Variants in FBLN7 observed in about 807,000 individuals in gnomAD.
FBLN7 encodes fibulin 7.
In FBLN7, 31 loss-of-function variants were observed where a neutral mutation model predicts 44.0. The observed-to-expected ratio is 0.70, with a 90% confidence interval of 0.53 to 0.95. The LOEUF is 0.95. Among genes scored for constraint, FBLN7 ranks in the 40% least tolerant of loss-of-function variants. The probability of loss-of-function intolerance (pLI) is 0.00; values close to 1 mark genes in which losing one functional copy is unlikely to be tolerated. For synonymous variants in FBLN7, 262 were observed against 253.4 expected (o/e 1.03, Z -0.32); for missense variants, 573 against 618.5 (o/e 0.93, Z 0.78).
At chr2:112,147,953 G>A (rs1051586899) in intron 1 of FBLN7, among the ~76,000 whole-genome samples, 3 of 152,118 alleles carry the variant, frequency 2.0e-5, no homozygotes, top group Admixed American at 6.6e-5. Flanking sequence ...AAGGCCAGAG[G>A]AGGAAGTGAG....
chr2:112,161,665 G>T (rs779330853), intron 2 of FBLN7, among the ~76,000 whole-genome samples: 17 of 151,042 alleles, frequency 1.1e-4, no homozygotes, highest in Non-Finnish European at 2.4e-4. Context: ...CTGCCCATGT[G>T]AGAGGGCCCT....
At chr2:112,157,065 T>A (rs1309803608) in intron 1 of FBLN7, among the ~76,000 whole-genome samples, 1 of 152,018 alleles carries the variant, frequency 6.6e-6, no homozygotes, top group African/African-American at 2.4e-5. Context: ...AGAAAAAAAA[T>A]TAAGTAGAAA....
downstream of FBLN7, chr2:112,188,866 A>T (rs1683388378): frequency 6.6e-6 from 1 of 152,246 alleles, no homozygotes; most frequent in South Asian, 2.1e-4. Flanking sequence ...TAACAACAGA[A>T]AAAGGACATG....
At chr2:112,228,096 T>C in the FBLN7 span, among the ~76,000 whole-genome samples, 1 of 152,174 alleles carries the variant, frequency 6.6e-6, no homozygotes, top group African/African-American at 2.4e-5. Context: ...GACACACATA[T>C]AGAGGTCAAT....
At chr2:112,193,262 G>A in the FBLN7 span, among the ~76,000 whole-genome samples, 9 of 152,156 alleles carry the variant, frequency 5.9e-5, no homozygotes, top group Non-Finnish European at 1.0e-4. Context: ...CCAACATGGT[G>A]AAACTCCATC....
At chr2:112,212,424 G>A in the FBLN7 span, 1 of 152,244 alleles carries the variant, frequency 6.6e-6, no homozygotes, top group South Asian at 2.1e-4. Context: ...AGTTTTTGGT[G>A]AAGAGGATGG....
the FBLN7 span, among the ~76,000 whole-genome samples, chr2:112,193,462 G>T: frequency 6.6e-6 from 1 of 152,182 alleles, no homozygotes; most frequent in East Asian, 1.9e-4. Context: ...AAATGGCATA[G>T]TATATGAAGA....
chr2:112,235,769 A>C, the FBLN7 span, among the ~76,000 whole-genome samples: 1 of 152,088 alleles, frequency 6.6e-6, no homozygotes, highest in Non-Finnish European at 1.5e-5. Flanking sequence ...GGGGAGATTC[A>C]GTAAGGCCAA....
chr2:112,182,181 G>C (rs1306050036), intron 5 of FBLN7, among the ~76,000 whole-genome samples: 1 of 152,156 alleles, frequency 6.6e-6, no homozygotes, highest in Non-Finnish European at 1.5e-5. Context: ...TCACGTCTAC[G>C]GGTGGCAAGG....
At chr2:112,218,459 T>C in the FBLN7 span, among the ~76,000 whole-genome samples, 1 of 152,188 alleles carries the variant, frequency 6.6e-6, no homozygotes, top group Non-Finnish European at 1.5e-5. Context: ...TGATCTTCTA[T>C]GTAGAAAACC....
the FBLN7 span, among the ~76,000 whole-genome samples, chr2:112,200,030 A>G: frequency 1.3e-5 from 2 of 152,196 alleles, no homozygotes; most frequent in African/African-American, 4.8e-5. Context: ...GTATTCTGTT[A>G]TAGCAACAGA....
chr2:112,158,682 G>A (rs1468969662), intron 1 of FBLN7, among the ~76,000 whole-genome samples: 2 of 151,834 alleles, frequency 1.3e-5, no homozygotes, highest in African/African-American at 4.8e-5. Context: ...CACATGATCC[G>A]CTCGGCTCAG....
chr2:112,159,643 A>G (rs201690556), intron 1 of FBLN7, 33 bp from the exon 2 acceptor site: 23 of 1,480,420 alleles, frequency 1.6e-5, no homozygotes, highest in Non-Finnish European at 2.1e-5. Flanking sequence ...GTCAGTCTCA[A>G]TGGGTGGTGG....
Position 112,175,889 on chromosome 2 carries a change from G to A in FBLN7, c.532+50G>A, listed in dbSNP as rs188209593. On this transcript the variant is annotated intron_variant, in intron 4 of 7. Transcript: ENST00000331203. ...TGAGGACATCCTGCTGTGGGGAGAGGAGGACCCTAGGCATAGGTCCCCAAA... is the reference window on the plus strand; with the variant it reads ...TGAGGACATCCTGCTGTGGGGAGAGAAGGACCCTAGGCATAGGTCCCCAAA... 2.2e-5 allele frequency: 35 copies of A among 1,595,458 alleles called. No homozygotes were observed. The East Asian group carries it at 7.9e-4, about 36-fold the overall frequency.
chr2:112,230,752 G>T, the FBLN7 span: 6 of 409,054 alleles, frequency 1.5e-5, no homozygotes, highest in African/African-American at 8.6e-5. Context: ...ATCCATATAG[G>T]TATGTAAATA....
the FBLN7 span, among the ~76,000 whole-genome samples, chr2:112,219,197 G>T: frequency 2.9e-3 from 434 of 152,280 alleles, 4 homozygotes; most frequent in Middle Eastern, 0.027. Context: ...AATACAAAGT[G>T]ATAGTAATCA....
intron 3 of FBLN7, among the ~76,000 whole-genome samples, chr2:112,173,283 T>TAAA: frequency 6.6e-6 from 1 of 152,090 alleles, no homozygotes; most frequent in Admixed American, 6.5e-5. Context: ...TTAGAGGATA[T>TAAA]TATAAAAAAA....
intron 1 of FBLN7, among the ~76,000 whole-genome samples, chr2:112,146,452 G>A (rs1211236367): frequency 2.0e-5 from 3 of 151,650 alleles, no homozygotes; most frequent in Non-Finnish European, 4.4e-5. Flanking sequence ...AACACAAAAT[G>A]TCTTTCTACT....
chr2:112,146,747 A>G (rs1680919353), intron 1 of FBLN7, among the ~76,000 whole-genome samples: 1 of 152,042 alleles, frequency 6.6e-6, no homozygotes, highest in African/African-American at 2.4e-5. Flanking sequence ...CATGTCATCT[A>G]TGTATTAGAG....
Sources: allele counts gnomAD v4.1 joint callset (sites outside exome capture counted in the v4.1 genomes callset), GRCh38; gene constraint gnomAD v4.1.1; transcripts MANE v1.5; gene names NCBI Gene and HGNC (gene_info 2026-07-23, HGNC 2026-07-21).